Variants in TMEM67 observed in about 807,000 individuals in gnomAD.
The protein encoded by TMEM67 is transmembrane protein 67, also known as meckelin.
TMEM67 carries 124 observed loss-of-function variants against 136.6 expected under a neutral mutation model. The ratio of observed to expected loss-of-function variants is 0.91; its 90% CI spans 0.78 to 1.05. TMEM67 has a LOEUF of 1.05. TMEM67 is among the 50% of genes least tolerant of loss of function. The pLI, the probability that TMEM67 is intolerant of heterozygous loss-of-function variation, is 0.00. For synonymous variants in TMEM67, 364 were observed against 390.5 expected (o/e 0.93, Z 0.80); for missense variants, 1,107 against 1,178.4 (o/e 0.94, Z 0.89).
At chr8:93,812,241 A>C (rs1808732479) in intron 26 of TMEM67, among the ~76,000 whole-genome samples, 1 of 152,202 alleles carries the variant, frequency 6.6e-6, no homozygotes, top group Non-Finnish European at 1.5e-5. Context: ...CTGATTTGTA[A>C]ATTGGAAGAA....
At chr8:93,757,172 T>C (rs1322587804) in intron 2 of TMEM67, 1 of 152,066 alleles carries the variant, frequency 6.6e-6, no homozygotes, top group Admixed American at 6.5e-5. Context: ...GGAGTATTTC[T>C]TGATAAATTC....
chr8:93,804,295 T>C (rs150422956), intron 22 of TMEM67, among the ~76,000 whole-genome samples: 11 of 129,368 alleles, frequency 8.5e-5, no homozygotes, highest in East Asian at 2.5e-4. Flanking sequence ...TTTCTTTTCT[T>C]TTCTCTTTTC....
chr8:93,815,577 C>T, intron 27 of TMEM67, 130 bp downstream of exon 27: 1 of 804,958 alleles, frequency 1.2e-6, no homozygotes, highest in Non-Finnish European at 2.0e-6. Context: ...TAGAATATGA[C>T]TAACCCCACC....
At chr8:93,828,413 T>A in the TMEM67 span, among the ~76,000 whole-genome samples, 1 of 152,140 alleles carries the variant, frequency 6.6e-6, no homozygotes, top group Non-Finnish European at 1.5e-5. Flanking sequence ...TTAATTGACT[T>A]CAAGCAGCAC....
Position 93,799,737 on chromosome 8 carries a change from G to T in TMEM67, c.2220G>T (p.Trp740Cys), listed in dbSNP as rs1222816189. The T allele has an allele frequency of 1.2e-6, 2 of 1,613,500 alleles. No individual in the cohort carries two copies. Among genetic ancestry groups the T allele is most frequent in the Admixed American group, 3.3e-5 (2 of 59,960 alleles). Reference protein sequence around the residue: ...ILRYAVSAALWLAIGIIQVVF... With the variant: ...ILRYAVSAALCLAIGIIQVVF... ...GATATGCAGTGTCTGCTGCTCTTTG[G>T]CTAGCCATTGGAATTATACAGGTAA... Residue 740 changes from tryptophan to cysteine, a missense_variant, in exon 21 of 28, where the codon TGG becomes TGT. By Grantham distance (215) the Trp-to-Cys change is radical. Transcript: ENST00000453321.
chr8:93,829,382 C>CTCTCTGTG, the TMEM67 span, among the ~76,000 whole-genome samples: 1 of 137,504 alleles, frequency 7.3e-6, no homozygotes, highest in African/African-American at 2.9e-5. Context: ...CTCTCTCTCT[C>CTCTCTGTG]TGTGTGTGTG....
intron 3 of TMEM67, 37 bp downstream of exon 3, chr8:93,758,613 A>G: frequency 2.7e-6 from 4 of 1,482,344 alleles, no homozygotes; most frequent in Non-Finnish European, 3.8e-6. Context: ...GTAGTGATAA[A>G]TCTTCATTCT....
At chr8:93,762,458 A>G (rs930064090) in intron 3 of TMEM67, among the ~76,000 whole-genome samples, 1 of 150,336 alleles carries the variant, frequency 6.7e-6, no homozygotes. Flanking sequence ...TGACCTCTCA[A>G]TGTGTTGGGA....
intron 4 of TMEM67, among the ~76,000 whole-genome samples, chr8:93,765,159 AT>A (rs1313581508): frequency 6.6e-6 from 1 of 152,186 alleles, no homozygotes; most frequent in African/African-American, 2.4e-5. Flanking sequence ...AGAATTATTC[AT>A]TATGTACATT....
At chr8:93,768,533 C>T (rs930010506) in intron 6 of TMEM67, among the ~76,000 whole-genome samples, 1 of 152,058 alleles carries the variant, frequency 6.6e-6, no homozygotes, top group Admixed American at 6.6e-5. Flanking sequence ...TCACTCGAAC[C>T]TGGTAGGTGG....
In TMEM67 at chr8:93,786,327, G is replaced by A. The variant is rs1189871190; in HGVS notation, c.1393G>A (p.Ala465Thr). 6.2e-7 allele frequency: 1 copy of A among 1,613,970 alleles called. No individual in the cohort carries two copies. The highest frequency in any genetic ancestry group is 8.5e-7 in the Non-Finnish European group (1 of 1,179,930). The change falls in exon 13 of 28, where the codon GCT becomes ACT. Residue 465 changes from alanine (A) to threonine (T), a missense_variant. Around this residue, in one of 3 missense-constraint regions of TMEM67, gnomAD observed 925 missense variants for 1,002.4 expected, o/e 0.92. Coordinates refer to ENST00000453321, the MANE Select transcript of TMEM67 (RefSeq NM_153704.6). ...AACTCAGCCAAGAGTAATTCGAGTT[G>A]CTACTCAAATATCACTGAGGTAAAC... ...LGTQPRVIRV[A>T]TQISLSVHLV...
chr8:93,788,264 C>A (rs906109032), intron 14 of TMEM67, among the ~76,000 whole-genome samples: 3 of 152,084 alleles, frequency 2.0e-5, no homozygotes, highest in Non-Finnish European at 4.4e-5. Context: ...GGCCACCTTG[C>A]TTTTGTTAAG....
chr8:93,762,090 A>G (rs1812868943), intron 3 of TMEM67: 1 of 152,108 alleles, frequency 6.6e-6, no homozygotes, highest in African/African-American at 2.4e-5. Flanking sequence ...CCCTGTCTCT[A>G]CTAAAAATAG....
intron 13 of TMEM67, among the ~76,000 whole-genome samples, chr8:93,787,270 AATTT>A (rs1291312935): frequency 2.6e-4 from 40 of 152,030 alleles, no homozygotes; most frequent in African/African-American, 8.2e-4. Context: ...TTAATTTAAA[AATTT>A]ATTTATTTGT....
intron 26 of TMEM67, among the ~76,000 whole-genome samples, chr8:93,810,644 A>G (rs964601681): frequency 3.3e-5 from 5 of 152,292 alleles, no homozygotes; most frequent in Middle Eastern, 3.4e-3. Context: ...AACCTCATGA[A>G]TTCTTTTCTG....
intron 7 of TMEM67, among the ~76,000 whole-genome samples, chr8:93,776,027 A>G (rs1813526751): frequency 6.6e-6 from 1 of 151,922 alleles, no homozygotes; most frequent in South Asian, 2.1e-4. Flanking sequence ...CCTTTATTTC[A>G]TTGAGCAGTG....
In TMEM67 at chr8:93,796,000, G is replaced by A; in HGVS notation, c.1860+13G>A. 6.3e-7 allele frequency: 1 copy of A among 1,587,984 alleles called. No homozygotes were observed. On this transcript the variant is annotated intron_variant, in intron 18 of 27. Coordinates refer to ENST00000453321, the MANE Select transcript of TMEM67 (RefSeq NM_153704.6). ...CTTTGCTCTGAAGGTAAGTTTTAAA[G>A]GACAGGTTACCAAATTTAAAAGGCC...
intron 11 of TMEM67, among the ~76,000 whole-genome samples, chr8:93,783,997 A>G (rs1189154399): frequency 3.9e-5 from 6 of 152,240 alleles, no homozygotes; most frequent in African/African-American, 1.4e-4. Flanking sequence ...GTAAAAGTAC[A>G]TCTTGATAAA....
At chr8:93,808,340 TATATATATTTATTATAG>T (rs1428499537) in intron 23 of TMEM67, among the ~76,000 whole-genome samples, 1 of 140,380 alleles carries the variant, frequency 7.1e-6, no homozygotes, top group Non-Finnish European at 1.5e-5. Context: ...AGATAATAAA[TATATATATTTATTATAG>T]ATATATATTT....
Sources: gnomAD v4.1 joint callset for allele counts (sites outside exome capture counted in the v4.1 genomes callset) on GRCh38, gnomAD v4.1.1 for gene constraint, gnomAD v4.1.1 regional missense constraint, MANE v1.5 for transcripts, NCBI Gene and HGNC (gene_info 2026-07-23, HGNC 2026-07-21) for gene names.